EPHA5: variants seen among roughly 807,000 people sequenced by gnomAD.
EPHA5 encodes the protein ephrin type-A receptor 5.
A neutral mutation model predicts 105.0 loss-of-function variants in EPHA5; 60 were observed. The observed-to-expected ratio is 0.57, with a 90% CI of 0.46 to 0.71. The LOEUF (loss-of-function observed/expected upper bound fraction) is 0.71, where lower values mean the gene tolerates loss of function less well. Ranked by LOEUF, EPHA5 falls within the 30% of genes least tolerant of loss-of-function variation. EPHA5 has a pLI of 0.00. For synonymous variants in EPHA5, 513 were observed against 449.1 expected, an observed-to-expected ratio of 1.14 and a Z score of -1.80; for missense variants, 1,218 against 1,274.7, an observed-to-expected ratio of 0.96 and a Z score of 0.68.
intron 15 of EPHA5, among the ~76,000 whole-genome samples, chr4:65,333,165 T>G (rs983688803): frequency 6.6e-6 from 1 of 150,970 alleles, no homozygotes; most frequent in African/African-American, 2.5e-5. Context: ...AAACTAAATA[T>G]TAAAAATAAT....
chr4:65,393,808 A>G (rs1183166904), intron 8 of EPHA5, among the ~76,000 whole-genome samples: 1 of 152,158 alleles, frequency 6.6e-6, no homozygotes, highest in Non-Finnish European at 1.5e-5. Context: ...AATAAATCCA[A>G]GACAACAACA....
At chr4:65,356,834 G>A (rs1054059320) in intron 11 of EPHA5, among the ~76,000 whole-genome samples, 2 of 151,282 alleles carry the variant, frequency 1.3e-5, no homozygotes, top group Admixed American at 1.3e-4. Flanking sequence ...CTGCTAGCCT[G>A]CAAAAATGAC....
chr4:65,427,346 G>A (rs1300060996), intron 5 of EPHA5, among the ~76,000 whole-genome samples: 1 of 151,740 alleles, frequency 6.6e-6, no homozygotes, highest in East Asian at 1.9e-4. Context: ...ACTGCACCCG[G>A]CTAATTTTTG....
chr4:65,439,474 G>A (rs552302364), intron 5 of EPHA5, among the ~76,000 whole-genome samples: 27 of 132,946 alleles, frequency 2.0e-4, no homozygotes, highest in Non-Finnish European at 3.4e-4. Context: ...GGGATACCAA[G>A]TATCAGAATC....
chr4:65,491,673 T>C (rs961223958), intron 4 of EPHA5, among the ~76,000 whole-genome samples: 2 of 152,052 alleles, frequency 1.3e-5, no homozygotes, highest in African/African-American at 4.8e-5. Context: ...ATATATTTTA[T>C]ATTCAGAATC....
chr4:65,442,154 C>T (rs528348642), intron 5 of EPHA5, among the ~76,000 whole-genome samples: 1 of 152,054 alleles, frequency 6.6e-6, no homozygotes, highest in Non-Finnish European at 1.5e-5. Context: ...CATCCAAATT[C>T]ATATATTGAA....
chr4:65,493,369 T>C (rs184369393), intron 4 of EPHA5, among the ~76,000 whole-genome samples: 73 of 151,698 alleles, frequency 4.8e-4, no homozygotes, highest in Admixed American at 1.1e-3. Flanking sequence ...TGTTGTTATA[T>C]AGATTTAAAA....
chr4:65,590,124 G>A (rs1207111280), intron 3 of EPHA5, among the ~76,000 whole-genome samples: 3 of 152,132 alleles, frequency 2.0e-5, no homozygotes, highest in East Asian at 3.9e-4. Context: ...TTATCCGTCA[G>A]TCAAATTATC....
intron 10 of EPHA5, among the ~76,000 whole-genome samples, chr4:65,365,689 A>ATT (rs765636669): frequency 0.011 from 1,050 of 93,774 alleles, 115 homozygotes; most frequent in Non-Finnish European, 0.02. Flanking sequence ...ATATATATAT[A>ATT]GTGAAACATT....
At chr4:65,492,788 C>A (rs1286928899) in intron 4 of EPHA5, among the ~76,000 whole-genome samples, 1 of 151,946 alleles carries the variant, frequency 6.6e-6, no homozygotes, top group Non-Finnish European at 1.5e-5. Context: ...GATTTATAAT[C>A]CTTTGGGTAT....
At chr4:65,660,868 A>G (rs1749498840) in intron 1 of EPHA5, among the ~76,000 whole-genome samples, 1 of 152,116 alleles carries the variant, frequency 6.6e-6, no homozygotes, top group Admixed American at 6.6e-5. Flanking sequence ...GCAAAGTAGA[A>G]TATTTTTCTA....
intron 15 of EPHA5, among the ~76,000 whole-genome samples, chr4:65,332,536 A>G (rs1720727300): frequency 1.4e-5 from 2 of 143,454 alleles, no homozygotes; most frequent in South Asian, 4.7e-4. Context: ...AATGTAAACT[A>G]TGGGCCGTGG....
intron 2 of EPHA5, among the ~76,000 whole-genome samples, chr4:65,606,300 A>G (rs568756429): frequency 1.6e-4 from 24 of 152,306 alleles, no homozygotes; most frequent in African/African-American, 5.8e-4. Context: ...CTTGATATAC[A>G]TTTTATAATG....
Position 65,612,039 on chromosome 4 carries a change from AGG to A in EPHA5, c.247-9737_247-9736del, listed in dbSNP as rs368025807. 6.1e-3 allele frequency among the ~76,000 whole-genome samples: 523 copies of A among 86,318 alleles called. 14 individuals carry two copies. The highest frequency in any genetic ancestry group is 9.6e-3 in the Non-Finnish European group (340 of 35,452). The allele number at this position is 86,318 out of a possible 152,430, so 56.6% of individuals were successfully genotyped here. A position where few individuals can be genotyped will look rare whatever the true frequency, so the allele number is the denominator to read the frequency against. On this transcript the variant is annotated intron_variant, in intron 2 of 16. Transcript: ENST00000613740. Reference sequence around the variant, plus strand: ...CTCAAAAAAAAAAAAAAAAAAAAAAAGGAAAGAAAAGAAAAGAAAAGAAAAGA... The same window carrying A: ...CTCAAAAAAAAAAAAAAAAAAAAAAAAAAGAAAAGAAAAGAAAAGAAAAGA...
intron 14 of EPHA5, among the ~76,000 whole-genome samples, chr4:65,341,044 C>G (rs986207): frequency 0.47 from 71,438 of 151,790 alleles, 17,442 homozygotes; most frequent in East Asian, 0.77. Flanking sequence ...TGACATCTAT[C>G]CCGGCTTCCC....
intron 16 of EPHA5, among the ~76,000 whole-genome samples, chr4:65,326,947 T>A (rs1327129952): frequency 1.3e-5 from 2 of 151,264 alleles, no homozygotes; most frequent in Non-Finnish European, 3.0e-5. Context: ...AAACTTAAAT[T>A]TGAAGCATGT....
intron 5 of EPHA5, among the ~76,000 whole-genome samples, chr4:65,469,124 C>G (rs1320253294): frequency 6.6e-6 from 1 of 152,022 alleles, no homozygotes; most frequent in Non-Finnish European, 1.5e-5. Flanking sequence ...TGTAATTGCT[C>G]CAGCCATTTT....
intron 1 of EPHA5, among the ~76,000 whole-genome samples, chr4:65,661,063 A>C (rs540881627): frequency 1.8e-4 from 28 of 152,160 alleles, no homozygotes; most frequent in Middle Eastern, 6.9e-3. Context: ...GTTTTATTTC[A>C]TTTGTTTTCC....
chr4:65,398,251 G>A (rs1014734041), intron 8 of EPHA5, among the ~76,000 whole-genome samples: 2 of 152,212 alleles, frequency 1.3e-5, no homozygotes, highest in Non-Finnish European at 2.9e-5. Flanking sequence ...GGGTGCTGTT[G>A]TGACCCAGGC....
Sources: gnomAD v4.1 joint callset for allele counts (sites outside exome capture counted in the v4.1 genomes callset) on GRCh38, gnomAD v4.1.1 for gene constraint, MANE v1.5 for transcripts, NCBI Gene and HGNC (gene_info 2026-07-23, HGNC 2026-07-21) for gene names.